The following AGPAT4 variants were observed in gnomAD, a reference collection of about 807,000 sequenced individuals.
The protein encoded by AGPAT4 is 1-acyl-sn-glycerol-3-phosphate acyltransferase delta.
A neutral mutation model predicts 48.0 loss-of-function variants in AGPAT4; 15 were observed. That is an observed-to-expected ratio of 0.31 (90% confidence interval 0.21 to 0.48). The LOEUF is 0.48. AGPAT4 is among the 20% of genes least tolerant of loss of function. AGPAT4 has a pLI of 0.99. For synonymous variants in AGPAT4, 178 were observed against 198.7 expected (o/e 0.90, Z 0.88); for missense variants, 314 against 482.5 (o/e 0.65, Z 3.27).
At position 161,220,822 on chromosome 6, in the gene AGPAT4, CA is replaced by C. The variant is rs1470069154; in HGVS notation, c.178+11213del. Among the ~76,000 whole-genome samples the C allele has an allele frequency of 2.6e-5, 4 of 152,128 alleles. No homozygotes were observed. Among genetic ancestry groups the C allele is most frequent in the African/African-American group, 9.7e-5 (4 of 41,420 alleles). On this transcript the variant is annotated intron_variant, in intron 2 of 8. Transcript: ENST00000320285. This position sits in a 1 kb window ranked among gnomAD's most constrained non-coding sequence, Gnocchi z 6.0. ...TTTTTGAGACAGAGTCTCACTCTGT[CA>C]CCCAGGCTGGAGTGCAGTGGTGCAA...
At position 161,158,915 on chromosome 6, in the gene AGPAT4, T is replaced by G. The variant is rs1174137054; in HGVS notation, c.349-4605A>C. ...GAACCCCTCAGGGGCTGAGGCTCTATGGCCAGCTTTGTTTGCAAACGTCCA... is the reference window on the plus strand; with the variant it reads ...GAACCCCTCAGGGGCTGAGGCTCTAGGGCCAGCTTTGTTTGCAAACGTCCA... On this transcript the variant is annotated intron_variant, in intron 3 of 8. Transcript: ENST00000320285. The surrounding 1 kb of genome is among the most constrained non-coding windows in gnomAD (Gnocchi z 5.3). 6.6e-6 allele frequency among the ~76,000 whole-genome samples: 1 copy of G among 152,212 alleles called. No individual in the cohort carries two copies. Among genetic ancestry groups the G allele is most frequent in the Admixed American group, 6.5e-5 (1 of 15,276 alleles).
chr6:161,146,620 T>C lies in AGPAT4; in HGVS notation c.768-21A>G, dbSNP rs1779437245. ...TCCTCCTGCAAAGGCAGAGAGCAGC[T>C]AGCAGAGAGGAGGTGATGCCCCCCT... is the stretch of plus-strand genomic sequence containing the variant. On this transcript the variant is annotated intron_variant, in intron 6 of 8. Transcript: ENST00000320285. This position sits in a 1 kb window ranked among gnomAD's most constrained non-coding sequence, Gnocchi z 7.1. The C allele has an allele frequency of 6.2e-7, 1 of 1,613,090 alleles. No homozygotes were observed. Among genetic ancestry groups the C allele is most frequent in the Non-Finnish European group, 8.5e-7 (1 of 1,179,220 alleles).
At position 161,254,457 on chromosome 6, in the gene AGPAT4, C is replaced by T. The variant is rs1241495837; in HGVS notation, c.-90+19481G>A. Among the ~76,000 whole-genome samples the T allele has an allele frequency of 6.6e-6, 1 of 152,168 alleles. No individual in the cohort carries two copies. The highest frequency in any genetic ancestry group is 2.4e-5 in the African/African-American group (1 of 41,430). On this transcript the variant is annotated intron_variant, in intron 1 of 8. Transcript: ENST00000320285. The surrounding 1 kb of genome is among the most constrained non-coding windows in gnomAD (Gnocchi z 5.9). ...AAATACTAAAACATATTAAGTGATT[C>T]ATATACATATATACGTTTAGAGGCA... is the stretch of plus-strand genomic sequence containing the variant.
At chr6:161,247,789 C>G (rs542122293) in intron 1 of AGPAT4, among the ~76,000 whole-genome samples, 3 of 152,012 alleles carry the variant, frequency 2.0e-5, no homozygotes, top group African/African-American at 7.2e-5. Flanking sequence ...TCGAGACCAG[C>G]CTGAACAACA....
At position 161,270,067 on chromosome 6, in the gene AGPAT4, C is replaced by T. The variant is rs1195622973; in HGVS notation, c.-90+3871G>A. Among the ~76,000 whole-genome samples the T allele has an allele frequency of 2.0e-5, 3 of 152,320 alleles. No homozygotes were observed. Among genetic ancestry groups the T allele is most frequent in the African/African-American group, 7.2e-5 (3 of 41,580 alleles). Reference sequence around the variant, plus strand: ...TTATACTCCTTTTAAGATATTTCCTCTTATTCAGTCATTAGAAGAAAATGG... The same window carrying T: ...TTATACTCCTTTTAAGATATTTCCTTTTATTCAGTCATTAGAAGAAAATGG... On this transcript the variant is annotated intron_variant, in intron 1 of 8. Coordinates refer to ENST00000320285, the MANE Select transcript of AGPAT4 (RefSeq NM_020133.3). This position sits in a 1 kb window ranked among gnomAD's most constrained non-coding sequence, Gnocchi z 5.3.
intron 2 of AGPAT4, among the ~76,000 whole-genome samples, chr6:161,168,162 G>A (rs1780163573): frequency 6.6e-6 from 1 of 152,080 alleles, no homozygotes; most frequent in Admixed American, 6.5e-5. Context: ...ATGCAGCCTG[G>A]CAGGGCAGCC....
rs186925619 is a variant in AGPAT4, at chr6:161,162,515, A to G, written c.348+3733T>C. Among the ~76,000 whole-genome samples the G allele has an allele frequency of 2.0e-4, 31 of 152,328 alleles. 1 individual carries two copies. In the East Asian group the frequency reaches 6.0e-3, roughly 29 times the overall value. Reference sequence around the variant, plus strand: ...ATGGAGGCCGGGCAGCAAACCCGTGAGCAAGCTTGGAGGCAGATCACACAC... The same window carrying G: ...ATGGAGGCCGGGCAGCAAACCCGTGGGCAAGCTTGGAGGCAGATCACACAC... On this transcript the variant is annotated intron_variant, in intron 3 of 8. Transcript: ENST00000320285.
rs1781435308 is a variant in AGPAT4 at position 161,208,402 on chromosome 6, T to G, written c.178+23634A>C. Among the ~76,000 whole-genome samples, 1 of 152,052 alleles carries G rather than the reference T, an allele frequency of 6.6e-6. No homozygotes were observed. Among genetic ancestry groups the G allele is most frequent in the African/African-American group, 2.4e-5 (1 of 41,386 alleles). On this transcript the variant is annotated intron_variant, in intron 2 of 8. Coordinates refer to ENST00000320285, the MANE Select transcript of AGPAT4 (RefSeq NM_020133.3). The surrounding 1 kb of genome is among the most constrained non-coding windows in gnomAD (Gnocchi z 4.6). ...TTGAAGGCTTCTTGTTCTTAACAGC[T>G]CAATTAAACTCATGTACACACTTAT...
chr6:161,191,370 A>G (rs1003307015), intron 2 of AGPAT4, among the ~76,000 whole-genome samples: 1 of 152,206 alleles, frequency 6.6e-6, no homozygotes, highest in Non-Finnish European at 1.5e-5. Context: ...GGTACTTAGG[A>G]ACTGAATGAA....
chr6:161,230,094 T>A (rs1017182169), intron 2 of AGPAT4, among the ~76,000 whole-genome samples: 1 of 152,236 alleles, frequency 6.6e-6, no homozygotes, highest in Non-Finnish European at 1.5e-5. Context: ...CTGAATTTGT[T>A]GCCCATCTTA....
Position 161,233,154 on chromosome 6 carries a change from C to T in AGPAT4, c.-89-852G>A, listed in dbSNP as rs1260376514. ...ACACACACACACACACAGATACACACATCCTTAAGTGTTCTCAAATCAGAA... is the reference window on the plus strand; with the variant it reads ...ACACACACACACACACAGATACACATATCCTTAAGTGTTCTCAAATCAGAA... On this transcript the variant is annotated intron_variant, in intron 1 of 8. Transcript: ENST00000320285. The surrounding 1 kb of genome is among the most constrained non-coding windows in gnomAD (Gnocchi z 5.4). Among the ~76,000 whole-genome samples, 3 of 151,490 alleles carry T rather than the reference C, an allele frequency of 2.0e-5. No individual in the cohort carries two copies. Among genetic ancestry groups the T allele is most frequent in the Non-Finnish European group, 4.4e-5 (3 of 67,906 alleles).
chr6:161,224,660 AG>A (rs1338164206), intron 2 of AGPAT4, among the ~76,000 whole-genome samples: 4 of 149,768 alleles, frequency 2.7e-5, no homozygotes, highest in East Asian at 2.0e-4. Context: ...AAAAAAAAAA[AG>A]AAAGAAAACC....
At position 161,254,921 on chromosome 6, in the gene AGPAT4, C is replaced by G. The variant is rs1426260939; in HGVS notation, c.-90+19017G>C. ...CTGGAGAGCTCCAGAAATCCAGCGC[C>G]TGGGCTCACAAAAGCCAGCCCTGAC... On this transcript the variant is annotated intron_variant, in intron 1 of 8. Coordinates refer to ENST00000320285, the MANE Select transcript of AGPAT4 (RefSeq NM_020133.3). The surrounding 1 kb of genome is among the most constrained non-coding windows in gnomAD (Gnocchi z 5.9). 6.6e-6 allele frequency among the ~76,000 whole-genome samples: 1 copy of G among 152,180 alleles called. No homozygotes were observed. Among genetic ancestry groups the G allele is most frequent in the Non-Finnish European group, 1.5e-5 (1 of 68,036 alleles).
In AGPAT4 at chr6:161,259,856, T is replaced by C. The variant is rs915152843; in HGVS notation, c.-90+14082A>G. ...ACAATGTCAGCACCTAGCTCCATGGTATCTATGTGCACGCTGCACCCCCAG... is the reference window on the plus strand; with the variant it reads ...ACAATGTCAGCACCTAGCTCCATGGCATCTATGTGCACGCTGCACCCCCAG... On this transcript the variant is annotated intron_variant, in intron 1 of 8. Coordinates refer to ENST00000320285, the MANE Select transcript of AGPAT4 (RefSeq NM_020133.3). This position sits in a 1 kb window ranked among gnomAD's most constrained non-coding sequence, Gnocchi z 4.9. Among the ~76,000 whole-genome samples the C allele has an allele frequency of 6.6e-5, 10 of 152,122 alleles. No individual in the cohort carries two copies. Among genetic ancestry groups the C allele is most frequent in the African/African-American group, 9.7e-5 (4 of 41,440 alleles).
Position 161,266,743 on chromosome 6 carries a change from T to C in AGPAT4, c.-90+7195A>G, listed in dbSNP as rs746473920. Among the ~76,000 whole-genome samples, 3 of 152,190 alleles carry C rather than the reference T, an allele frequency of 2.0e-5. No homozygotes were observed. Among genetic ancestry groups the C allele is most frequent in the Non-Finnish European group, 4.4e-5 (3 of 68,034 alleles). On this transcript the variant is annotated intron_variant, in intron 1 of 8. Transcript: ENST00000320285. This position sits in a 1 kb window ranked among gnomAD's most constrained non-coding sequence, Gnocchi z 6.2. ...CAGGACACAGTCTGAGATGATTGCATTGATTGTCTGCTGATGGCTGCAGTA... is the reference window on the plus strand; with the variant it reads ...CAGGACACAGTCTGAGATGATTGCACTGATTGTCTGCTGATGGCTGCAGTA...
rs577289820 is a variant in AGPAT4, at chr6:161,270,530, A to G, written c.-90+3408T>C. 3.9e-5 allele frequency among the ~76,000 whole-genome samples: 6 copies of G among 152,336 alleles called. No individual in the cohort carries two copies. In the East Asian group the frequency reaches 1.2e-3, roughly 29 times the overall value. The stretch of plus-strand genomic sequence containing the variant: ...ACGCCTGTAATCCCAGCATTCTGGG[A>G]GGCCAAGGCAGGTGCATCACCTGAG... On this transcript the variant is annotated intron_variant, in intron 1 of 8. Coordinates refer to ENST00000320285, the MANE Select transcript of AGPAT4 (RefSeq NM_020133.3). This position sits in a 1 kb window ranked among gnomAD's most constrained non-coding sequence, Gnocchi z 5.3.
rs1044523784 is a variant in AGPAT4 at position 161,142,801 on chromosome 6, G to C, written c.844-3181C>G. ...TCGCAAGCCTTGGTCTCAGCCCGCA[G>C]ACACCACCCGAGTGCACGGCCAGGA... On this transcript the variant is annotated intron_variant, in intron 7 of 8. Transcript: ENST00000320285. The surrounding 1 kb of genome is among the most constrained non-coding windows in gnomAD (Gnocchi z 6.4). Among the ~76,000 whole-genome samples the C allele has an allele frequency of 6.6e-6, 1 of 152,230 alleles. No homozygotes were observed. Among genetic ancestry groups the C allele is most frequent in the African/African-American group, 2.4e-5 (1 of 41,452 alleles).
intron 1 of AGPAT4, among the ~76,000 whole-genome samples, chr6:161,247,399 T>G (rs1782682710): frequency 6.6e-6 from 1 of 152,246 alleles, no homozygotes; most frequent in Admixed American, 6.5e-5. Flanking sequence ...ACATTTTGAT[T>G]TGTTTTCTTC....
rs1361323801 is a variant in AGPAT4 at position 161,206,694 on chromosome 6, C to T, written c.178+25342G>A. Among the ~76,000 whole-genome samples, 1 of 151,996 alleles carries T rather than the reference C, an allele frequency of 6.6e-6. No individual in the cohort carries two copies. The highest frequency in any genetic ancestry group is 1.5e-5 in the Non-Finnish European group (1 of 68,006). On this transcript the variant is annotated intron_variant, in intron 2 of 8. Coordinates refer to ENST00000320285, the MANE Select transcript of AGPAT4 (RefSeq NM_020133.3). The surrounding 1 kb of genome is among the most constrained non-coding windows in gnomAD (Gnocchi z 4.8). ...ACTTGAAAGAGAAAAAGACAATTGACACATGCCAACCCTGGGATGACACAG... is the reference window on the plus strand; with the variant it reads ...ACTTGAAAGAGAAAAAGACAATTGATACATGCCAACCCTGGGATGACACAG...
Sources: allele counts gnomAD v4.1 joint callset (sites outside exome capture counted in the v4.1 genomes callset), GRCh38; gene constraint gnomAD v4.1.1; non-coding constraint Gnocchi (gnomAD v3.1); transcripts MANE v1.5; gene names NCBI Gene and HGNC (gene_info 2026-07-23, HGNC 2026-07-21).